ADAMTS6: variants seen among roughly 807,000 people sequenced by gnomAD.
The protein encoded by ADAMTS6 is A disintegrin and metalloproteinase with thrombospondin motifs 6.
Under a neutral mutation model 144.3 loss-of-function variants are expected in ADAMTS6, and 23 were observed. The observed-to-expected ratio is 0.16, with a 90% CI of 0.11 to 0.23. ADAMTS6 has a LOEUF of 0.23. Among genes scored for constraint, ADAMTS6 ranks in the 10% least tolerant of loss-of-function variants. ADAMTS6 has a pLI of 1.00. For synonymous variants in ADAMTS6, 444 were observed against 457.5 expected (o/e 0.97, Z 0.38); for missense variants, 999 against 1,379.6 (o/e 0.72, Z 4.37).
intron 16 of ADAMTS6, among the ~76,000 whole-genome samples, chr5:65,225,875 T>C (rs1018182760): frequency 1.3e-5 from 2 of 152,190 alleles, no homozygotes; most frequent in African/African-American, 4.8e-5. Flanking sequence ...TAAAAATAAC[T>C]AGAATACCAG....
chr5:65,196,362 A>AATAC (rs1359202131), intron 21 of ADAMTS6, among the ~76,000 whole-genome samples: 1 of 151,798 alleles, frequency 6.6e-6, no homozygotes, highest in African/African-American at 2.4e-5. Context: ...CTCTACTAAA[A>AATAC]ATACAAAAAA....
intron 1 of ADAMTS6, among the ~76,000 whole-genome samples, chr5:65,478,305 G>C (rs528053574): frequency 1.3e-5 from 2 of 152,294 alleles, no homozygotes; most frequent in South Asian, 2.1e-4. Context: ...TTCAGATATA[G>C]TTTCCAAAGT....
rs922619342 is a variant in ADAMTS6, at chr5:65,149,889, G to C, written c.*1947C>G. On this transcript the variant is annotated 3_prime_UTR_variant, in exon 25 of 25. Transcript: ENST00000381055. ...TCTTCTAAGGGCATCTTAGATCCGGGCCCTGGTGATTCCTCTTGTATCATC... is the reference window on the plus strand; with the variant it reads ...TCTTCTAAGGGCATCTTAGATCCGGCCCCTGGTGATTCCTCTTGTATCATC... The C allele has an allele frequency of 2.0e-5, 3 of 152,642 alleles. No individual in the cohort carries two copies. Among genetic ancestry groups the C allele is most frequent in the Non-Finnish European group, 4.4e-5 (3 of 68,074 alleles). 9.5% of individuals were successfully genotyped at this position (152,642 alleles called of 1,614,324 possible). A position where few individuals can be genotyped will look rare whatever the true frequency, so the allele number is the denominator to read the frequency against.
chr5:65,372,198 C>T (rs1247927759), intron 7 of ADAMTS6, among the ~76,000 whole-genome samples: 2 of 131,168 alleles, frequency 1.5e-5, no homozygotes, highest in African/African-American at 3.7e-5. Flanking sequence ...TCTGCATCAA[C>T]TACCGAGCAA....
chr5:65,274,222 T>C (rs1385928061), intron 11 of ADAMTS6, among the ~76,000 whole-genome samples: 1 of 152,002 alleles, frequency 6.6e-6, no homozygotes, highest in Non-Finnish European at 1.5e-5. Context: ...CATATCAGAT[T>C]TTAAAATAAG....
Position 65,300,138 on chromosome 5 carries a change from T to A in ADAMTS6, c.1224-7A>T, listed in dbSNP as rs763803941. On this transcript the variant is annotated splice_region_variant and splice_polypyrimidine_tract_variant and intron_variant, in intron 9 of 24. Coordinates refer to ENST00000381055, the MANE Select transcript of ADAMTS6 (RefSeq NM_197941.4). Reference sequence around the variant, plus strand: ...ATCATGGTTCATACCAAAACTGTTTTAATGAGGAAGAAACATAGAATAAAT... The same window carrying A: ...ATCATGGTTCATACCAAAACTGTTTAAATGAGGAAGAAACATAGAATAAAT... The A allele has an allele frequency of 3.8e-5, 61 of 1,610,224 alleles. No individual in the cohort carries two copies. Among genetic ancestry groups the A allele is most frequent in the Non-Finnish European group, 8.5e-6 (10 of 1,178,880 alleles).
intron 7 of ADAMTS6, among the ~76,000 whole-genome samples, chr5:65,426,831 C>G (rs1382603403): frequency 6.6e-6 from 1 of 151,926 alleles, no homozygotes; most frequent in Non-Finnish European, 1.5e-5. Flanking sequence ...ATTTGTAAAT[C>G]TAATGCTGCA....
intron 24 of ADAMTS6, among the ~76,000 whole-genome samples, chr5:65,161,198 C>T (rs1484228825): frequency 1.3e-5 from 2 of 151,984 alleles, no homozygotes; most frequent in Non-Finnish European, 2.9e-5. Context: ...CCACCATACC[C>T]AGCTAGTTTT....
At chr5:65,295,067 C>T (rs1302480085) in intron 10 of ADAMTS6, among the ~76,000 whole-genome samples, 1 of 151,978 alleles carries the variant, frequency 6.6e-6, no homozygotes, top group Non-Finnish European at 1.5e-5. Context: ...TTTTATTGTT[C>T]TTTAATATTC....
At chr5:65,263,414 TAAA>T (rs747254767) in intron 12 of ADAMTS6, among the ~76,000 whole-genome samples, 6 of 123,258 alleles carry the variant, frequency 4.9e-5, no homozygotes, top group Admixed American at 8.3e-5. Flanking sequence ...TGCTCTTTCT[TAAA>T]AAAAAAAAAA....
chr5:65,182,674 C>T (rs1487862929), intron 22 of ADAMTS6, among the ~76,000 whole-genome samples: 1 of 152,114 alleles, frequency 6.6e-6, no homozygotes, highest in East Asian at 1.9e-4. Context: ...CTGAAAGATA[C>T]ATGCACAAAG....
intron 8 of ADAMTS6, among the ~76,000 whole-genome samples, chr5:65,333,719 T>G (rs1363797921): frequency 1.3e-5 from 2 of 151,732 alleles, no homozygotes; most frequent in Non-Finnish European, 2.9e-5. Flanking sequence ...ATAGATTATA[T>G]GAACATGAGT....
intron 10 of ADAMTS6, among the ~76,000 whole-genome samples, chr5:65,292,683 C>T (rs2112765064): frequency 6.6e-6 from 1 of 152,200 alleles, no homozygotes; most frequent in South Asian, 2.1e-4. Flanking sequence ...ACCAAAGAGA[C>T]AGACTACTGT....
At chr5:65,279,359 C>T (rs773156996) in intron 11 of ADAMTS6, among the ~76,000 whole-genome samples, 4 of 152,124 alleles carry the variant, frequency 2.6e-5, no homozygotes, top group Non-Finnish European at 4.4e-5. Flanking sequence ...TTCTGTCACC[C>T]GGGCTAGAGT....
At chr5:65,463,507 C>T (rs548288722) in intron 3 of ADAMTS6, among the ~76,000 whole-genome samples, 2 of 152,260 alleles carry the variant, frequency 1.3e-5, no homozygotes, top group South Asian at 2.1e-4. Flanking sequence ...TGGCAAAAGC[C>T]TTGCTCTCAC....
At chr5:65,365,846 G>C (rs1057032368) in intron 7 of ADAMTS6, among the ~76,000 whole-genome samples, 3 of 152,010 alleles carry the variant, frequency 2.0e-5, no homozygotes, top group Non-Finnish European at 2.9e-5. Flanking sequence ...AAAGTAAAAT[G>C]TGTCTTTGCC....
chr5:65,426,300 C>T (rs576932281), intron 7 of ADAMTS6, among the ~76,000 whole-genome samples: 1 of 150,656 alleles, frequency 6.6e-6, no homozygotes, highest in South Asian at 2.1e-4. Flanking sequence ...CTCAGGTGAT[C>T]CACCCACCTT....
chr5:65,234,614 G>T (rs1315394226), intron 15 of ADAMTS6, among the ~76,000 whole-genome samples: 1 of 152,030 alleles, frequency 6.6e-6, no homozygotes, highest in Non-Finnish European at 1.5e-5. Context: ...ACAAGTGTAG[G>T]TAAGGATGTG....
At chr5:65,307,248 C>A (rs760780006) in intron 9 of ADAMTS6, among the ~76,000 whole-genome samples, 1 of 152,144 alleles carries the variant, frequency 6.6e-6, no homozygotes, top group Non-Finnish European at 1.5e-5. Context: ...AATTTTTAAG[C>A]CTATGTGTAT....
Sources: allele counts gnomAD v4.1 joint callset (sites outside exome capture counted in the v4.1 genomes callset), GRCh38; gene constraint gnomAD v4.1.1; transcripts MANE v1.5; gene names NCBI Gene and HGNC (gene_info 2026-07-23, HGNC 2026-07-21).